The following SLC11A2 variants were observed in gnomAD, a reference collection of about 807,000 sequenced individuals.
The protein encoded by SLC11A2 is solute carrier family 11 member 2, also known as natural resistance-associated macrophage protein 2.
A neutral mutation model predicts 68.0 loss-of-function variants in SLC11A2; 38 were observed. The ratio of observed to expected loss-of-function variants is 0.56; its 90% CI spans 0.43 to 0.73. SLC11A2 has a LOEUF of 0.73. Ranked by LOEUF, SLC11A2 falls within the 30% of genes least tolerant of loss-of-function variation. The probability of loss-of-function intolerance (pLI) is 0.00; values close to 1 mark genes in which losing one functional copy is unlikely to be tolerated. For missense variants in SLC11A2, 517 were observed against 690.5 expected (o/e 0.75, Z 2.82); for synonymous variants, 242 against 250.6 (o/e 0.97, Z 0.32).
At chr12:51,023,192 A>T (rs1944159131) in intron 1 of SLC11A2, among the ~76,000 whole-genome samples, 1 of 152,236 alleles carries the variant, frequency 6.6e-6, no homozygotes, top group Non-Finnish European at 1.5e-5. Context: ...CATGCCTGTA[A>T]TCCCAGCACT....
intron 2 of SLC11A2, chr12:51,009,462 A>C (rs1253420599): frequency 5.8e-6 from 1 of 173,748 alleles, no homozygotes; most frequent in African/African-American, 2.4e-5. Flanking sequence ...GCTATTTTGA[A>C]TCACAAAGCT....
downstream of SLC11A2, chr12:50,985,895 C>A: frequency 9.5e-7 from 1 of 1,057,566 alleles, no homozygotes; most frequent in Non-Finnish European, 1.2e-6. Context: ...TGTGCCATTC[C>A]AGGTGGTAGT....
chr12:51,001,070 CAGG>C (rs1942171829), intron 5 of SLC11A2, among the ~76,000 whole-genome samples: 1 of 150,550 alleles, frequency 6.6e-6, no homozygotes, highest in Non-Finnish European at 1.5e-5. Context: ...GGGGCTGAGG[CAGG>C]AGAATTGCTT....
At chr12:50,968,116 GGAGGAGGAGGAGAAT>G in the SLC11A2 span, among the ~76,000 whole-genome samples, 3 of 151,968 alleles carry the variant, frequency 2.0e-5, no homozygotes, top group African/African-American at 7.3e-5. Flanking sequence ...AGGAGGAGGA[GGAGGAGGAGGAGAAT>G]GAGGAGGAGG....
the SLC11A2 span, among the ~76,000 whole-genome samples, chr12:50,962,574 G>A: frequency 5.3e-5 from 8 of 151,602 alleles, no homozygotes; most frequent in Non-Finnish European, 8.8e-5. Context: ...GCATGCGCCT[G>A]TAGTCACAGC....
At chr12:50,997,453 G>A (rs377510191) in intron 8 of SLC11A2, among the ~76,000 whole-genome samples, 1 of 152,104 alleles carries the variant, frequency 6.6e-6, no homozygotes, top group South Asian at 2.1e-4. Flanking sequence ...TATAATCCCA[G>A]CACTTTAGGA....
At chr12:50,981,318 A>T (rs1397656204), downstream of SLC11A2, 2 of 152,928 alleles carry the variant, frequency 1.3e-5, no homozygotes, top group Non-Finnish European at 2.9e-5. Context: ...TCCAGACAAA[A>T]CAAATATCTG....
intron 14 of SLC11A2, 151 bp from the exon 15 acceptor site, chr12:50,991,099 A>C (rs1941106297): frequency 1.3e-6 from 1 of 759,388 alleles, no homozygotes; most frequent in Admixed American, 2.0e-5. Context: ...GTCTAAGTTA[A>C]ATCACCCAAA....
chr12:50,961,265 G>A, the SLC11A2 span, among the ~76,000 whole-genome samples: 4 of 152,164 alleles, frequency 2.6e-5, no homozygotes, highest in African/African-American at 2.4e-5. Context: ...CCAGTTGTGC[G>A]CTTAATTTTT....
At chr12:50,968,631 TC>T in the SLC11A2 span, among the ~76,000 whole-genome samples, 1 of 152,066 alleles carries the variant, frequency 6.6e-6, no homozygotes, top group Non-Finnish European at 1.5e-5. Flanking sequence ...AACCTCCACC[TC>T]CCAGGTTCAA....
chr12:50,985,577 A>G (rs1195940597), downstream of SLC11A2, among the ~76,000 whole-genome samples: 3 of 152,220 alleles, frequency 2.0e-5, no homozygotes, highest in Non-Finnish European at 4.4e-5. Context: ...TTGGTCTTTA[A>G]GCTAAATGAG....
At chr12:51,008,302 GGTGTGTGTGT>G (rs532914132) in intron 3 of SLC11A2, 164 bp downstream of exon 3, 3 of 521,978 alleles carry the variant, frequency 5.7e-6, no homozygotes, top group Non-Finnish European at 1.0e-5. Flanking sequence ...ATATAGATGG[GGTGTGTGTGT>G]GTGTGTGTGT....
chr12:51,006,367 A>G (rs1942734207), intron 3 of SLC11A2: 2 of 154,708 alleles, frequency 1.3e-5, no homozygotes, highest in Non-Finnish European at 2.9e-5. Context: ...GATTCCTTGT[A>G]GCAATAACAT....
the SLC11A2 span, among the ~76,000 whole-genome samples, chr12:50,953,598 C>T: frequency 1.3e-5 from 2 of 152,184 alleles, no homozygotes; most frequent in African/African-American, 4.8e-5. Context: ...CCTATGTTGG[C>T]ACTGCCATAC....
At chr12:51,026,004 GGTGC>G (rs1592472096) in intron 1 of SLC11A2, 2 of 1,014,422 alleles carry the variant, frequency 2.0e-6, no homozygotes, top group East Asian at 2.3e-4. Context: ...CGCGCCATCC[GGTGC>G]AGCTGGGAGC....
intron 5 of SLC11A2, among the ~76,000 whole-genome samples, chr12:51,003,893 T>C (rs1359610044): frequency 6.6e-6 from 1 of 151,766 alleles, no homozygotes; most frequent in Non-Finnish European, 1.5e-5. Context: ...TGAGCCATGA[T>C]CACATCACTG....
At chr12:50,994,912 T>C (rs1302605681) in intron 10 of SLC11A2, 1 of 418,586 alleles carries the variant, frequency 2.4e-6, no homozygotes, top group African/African-American at 2.0e-5. Flanking sequence ...GAGGAGAGGC[T>C]CTGAAGAAGG....
In SLC11A2 at chr12:50,986,819, T is replaced by TAA; in HGVS notation, c.*1504_*1505dup. 7.8e-7 allele frequency: 1 copy of TAA among 1,287,208 alleles called. No individual in the cohort carries two copies. Among genetic ancestry groups the TAA allele is most frequent in the Non-Finnish European group, 1.0e-6 (1 of 988,694 alleles). The allele number at this position is 1,287,208 out of a possible 1,614,324, so 79.7% of individuals were successfully genotyped here. ...CAGTAGTGTACCCTTAAATGCCTTA[T>TAA]AAAAGACCATCCATCCAGTCTGCGC... On this transcript the variant is annotated 3_prime_UTR_variant, in exon 16 of 16. Transcript: ENST00000262052.
At chr12:51,007,987 G>A (rs1163024033) in intron 3 of SLC11A2, among the ~76,000 whole-genome samples, 1 of 152,130 alleles carries the variant, frequency 6.6e-6, no homozygotes, top group African/African-American at 2.4e-5. Flanking sequence ...ATAGCTTGAG[G>A]CCAGGAGTTC....
Sources: gnomAD v4.1 joint callset for allele counts (sites outside exome capture counted in the v4.1 genomes callset) on GRCh38, gnomAD v4.1.1 for gene constraint, MANE v1.5 for transcripts, NCBI Gene and HGNC (gene_info 2026-07-23, HGNC 2026-07-21) for gene names.